Variants in CAST observed in about 807,000 individuals in gnomAD.
CAST encodes calpastatin.
A neutral mutation model predicts 119.6 loss-of-function variants in CAST; 76 were observed. The ratio of observed to expected loss-of-function variants is 0.64; its 90% CI spans 0.53 to 0.77. The LOEUF (loss-of-function observed/expected upper bound fraction) is 0.77, where lower values mean the gene tolerates loss of function less well. Ranked by LOEUF, CAST falls within the 30% of genes least tolerant of loss-of-function variation. The pLI is 0.00. For synonymous variants in CAST, 319 were observed against 331.6 expected (o/e 0.96, Z 0.41); for missense variants, 953 against 946.5 (o/e 1.01, Z -0.09).
At chr5:96,414,018 A>G in the CAST span, among the ~76,000 whole-genome samples, 2 of 146,568 alleles carry the variant, frequency 1.4e-5, no homozygotes, top group Non-Finnish European at 3.0e-5. Context: ...GGGTTCCTGT[A>G]GTCCTAGCTA....
the CAST span, among the ~76,000 whole-genome samples, chr5:96,504,830 T>C: frequency 6.6e-6 from 1 of 152,250 alleles, no homozygotes; most frequent in Non-Finnish European, 1.5e-5. Flanking sequence ...GTATCTGTTG[T>C]TTTGCCATTT....
chr5:96,372,432 G>A, the CAST span, among the ~76,000 whole-genome samples: 5 of 152,046 alleles, frequency 3.3e-5, no homozygotes, highest in African/African-American at 4.8e-5. Flanking sequence ...GGTTGCCCTC[G>A]GAAGACATGA....
chr5:96,126,651 A>C, the CAST span, among the ~76,000 whole-genome samples: 1 of 152,118 alleles, frequency 6.6e-6, no homozygotes, highest in South Asian at 2.1e-4. Flanking sequence ...TATTCAAACT[A>C]GGGCATCCTA....
the CAST span, among the ~76,000 whole-genome samples, chr5:96,416,855 C>G: frequency 4.6e-5 from 7 of 152,170 alleles, no homozygotes; most frequent in African/African-American, 1.4e-4. Context: ...AATGCGTCTT[C>G]CAAACACCAA....
At chr5:96,713,778 CA>C (rs1405044000) in intron 3 of CAST, among the ~76,000 whole-genome samples, 1 of 152,004 alleles carries the variant, frequency 6.6e-6, no homozygotes, top group Non-Finnish European at 1.5e-5. Flanking sequence ...AGTTTGAGAC[CA>C]GCCTGACCAA....
chr5:96,112,273 A>AGCAGC, the CAST span, among the ~76,000 whole-genome samples: 1 of 152,144 alleles, frequency 6.6e-6, no homozygotes, highest in Admixed American at 6.5e-5. Context: ...TTTGTCCCCT[A>AGCAGC]GCAGCTATAC....
the CAST span, among the ~76,000 whole-genome samples, chr5:96,218,913 T>G: frequency 3.0e-4 from 45 of 152,280 alleles, no homozygotes; most frequent in African/African-American, 9.6e-4. Context: ...TGCTTTGTTA[T>G]GTACTGTGTG....
chr5:96,672,143 T>G (rs1213509049), intron 1 of CAST, among the ~76,000 whole-genome samples: 1 of 152,108 alleles, frequency 6.6e-6, no homozygotes, highest in Non-Finnish European at 1.5e-5. Context: ...GGTGAAAAGT[T>G]TAGGGTTAAA....
chr5:96,078,337 A>C, the CAST span, among the ~76,000 whole-genome samples: 1 of 151,922 alleles, frequency 6.6e-6, no homozygotes, highest in Non-Finnish European at 1.5e-5. Flanking sequence ...CAGCCTCCTA[A>C]TTAAGGGGTA....
intron 1 of CAST, among the ~76,000 whole-genome samples, chr5:96,633,334 C>T (rs531236838): frequency 1.2e-4 from 18 of 152,218 alleles, no homozygotes; most frequent in Non-Finnish European, 2.4e-4. Context: ...TCTTCCAATC[C>T]ATGAACACAA....
chr5:96,552,083 A>T (rs1188099979), intron 1 of CAST, among the ~76,000 whole-genome samples: 7 of 152,226 alleles, frequency 4.6e-5, no homozygotes, highest in Non-Finnish European at 1.0e-4. Flanking sequence ...AGACATCTAC[A>T]GAACTCTCCA....
chr5:96,465,211 G>A, the CAST span, among the ~76,000 whole-genome samples: 1 of 150,578 alleles, frequency 6.6e-6, no homozygotes, highest in Non-Finnish European at 1.5e-5. Context: ...TTTATATTTT[G>A]TCATTTACAA....
At chr5:96,452,042 G>A in the CAST span, among the ~76,000 whole-genome samples, 1 of 152,214 alleles carries the variant, frequency 6.6e-6, no homozygotes. Context: ...CACTGTTGGT[G>A]GGAATGTAAA....
the CAST span, among the ~76,000 whole-genome samples, chr5:96,108,368 G>A: frequency 3.9e-5 from 6 of 152,114 alleles, no homozygotes; most frequent in Admixed American, 6.5e-5. Flanking sequence ...TCTACTTTTG[G>A]TCTTTAATGA....
chr5:96,090,998 C>T, the CAST span, among the ~76,000 whole-genome samples: 1 of 152,078 alleles, frequency 6.6e-6, no homozygotes, highest in South Asian at 2.1e-4. Context: ...TGCAGGTTCC[C>T]AGGTGCATTT....
the CAST span, among the ~76,000 whole-genome samples, chr5:96,273,870 A>G: frequency 6.6e-6 from 1 of 152,118 alleles, no homozygotes; most frequent in South Asian, 2.1e-4. Context: ...CTGACAGGGC[A>G]CCGAGGCTTG....
At chr5:96,017,735 GTTATAA>G in the CAST span, among the ~76,000 whole-genome samples, 1 of 152,136 alleles carries the variant, frequency 6.6e-6, no homozygotes, top group Non-Finnish European at 1.5e-5. Flanking sequence ...ATTTATATCA[GTTATAA>G]TTAAAATTAA....
intron 19 of CAST, 73 bp from the exon 20 acceptor site, chr5:96,750,513 GT>G: frequency 3.4e-6 from 3 of 875,870 alleles, no homozygotes; most frequent in Non-Finnish European, 3.9e-6. Context: ...GGAGTGTCTT[GT>G]TGGTCTACCA....
At chr5:96,151,342 A>G in the CAST span, among the ~76,000 whole-genome samples, 1 of 152,332 alleles carries the variant, frequency 6.6e-6, no homozygotes, top group South Asian at 2.1e-4. Context: ...ATGTTGAATT[A>G]TAAAACCGTG....
Sources: gnomAD v4.1 joint callset for allele counts (sites outside exome capture counted in the v4.1 genomes callset) on GRCh38, gnomAD v4.1.1 for gene constraint, MANE v1.5 for transcripts, NCBI Gene and HGNC (gene_info 2026-07-23, HGNC 2026-07-21) for gene names.